Variants in PAK5 observed in about 807,000 individuals in gnomAD.
The protein encoded by PAK5 is serine/threonine-protein kinase PAK 5.
PAK5 carries 16 observed loss-of-function variants against 65.9 expected under a neutral mutation model. The ratio of observed to expected loss-of-function variants is 0.24; its 90% confidence interval spans 0.16 to 0.37. The LOEUF (loss-of-function observed/expected upper bound fraction) is 0.37, where lower values mean the gene tolerates loss of function less well. PAK5 is among the 10% of genes least tolerant of loss of function. The pLI, the probability that PAK5 is intolerant of heterozygous loss-of-function variation, is 1.00. For missense variants in PAK5, 785 were observed against 903.9 expected (o/e 0.87, Z 1.69); for synonymous variants, 371 against 354.9 (o/e 1.05, Z -0.51).
At chr20:9,780,431 T>C (rs1026157877) in intron 1 of PAK5, among the ~76,000 whole-genome samples, 3 of 152,148 alleles carry the variant, frequency 2.0e-5, no homozygotes, top group African/African-American at 4.8e-5. Flanking sequence ...TCTAAAATCA[T>C]ATTTTCTTAA....
intron 3 of PAK5, among the ~76,000 whole-genome samples, chr20:9,613,548 A>G (rs2046602990): frequency 6.6e-6 from 1 of 152,224 alleles, no homozygotes; most frequent in Non-Finnish European, 1.5e-5. Flanking sequence ...ACTATCAGAG[A>G]AAAATCTGTT....
At chr20:9,807,286 C>T (rs1285502776) in intron 1 of PAK5, among the ~76,000 whole-genome samples, 1 of 152,098 alleles carries the variant, frequency 6.6e-6, no homozygotes, top group Admixed American at 6.6e-5. Flanking sequence ...TTTTTAGTAT[C>T]CTAGTTTCCT....
chr20:9,621,856 G>T (rs984390863), intron 3 of PAK5, among the ~76,000 whole-genome samples: 1 of 152,160 alleles, frequency 6.6e-6, no homozygotes, highest in Non-Finnish European at 1.5e-5. Context: ...AGTCAGAATT[G>T]CTATCTCCAG....
At chr20:9,649,041 A>G (rs1394611456) in intron 2 of PAK5, among the ~76,000 whole-genome samples, 3 of 152,190 alleles carry the variant, frequency 2.0e-5, no homozygotes, top group East Asian at 1.9e-4. Context: ...GACCTAATTC[A>G]TGACAGCTGT....
intron 9 of PAK5, among the ~76,000 whole-genome samples, chr20:9,539,902 T>C (rs1183164184): frequency 6.6e-6 from 1 of 152,214 alleles, no homozygotes; most frequent in Non-Finnish European, 1.5e-5. Flanking sequence ...AGAGCAGCTA[T>C]TACAAAATAT....
intron 1 of PAK5, among the ~76,000 whole-genome samples, chr20:9,720,690 G>A (rs2048203566): frequency 6.6e-6 from 1 of 152,044 alleles, no homozygotes; most frequent in African/African-American, 2.4e-5. Flanking sequence ...TAGCCAAAAG[G>A]TGTTGTAACA....
chr20:9,548,743 C>G (rs1366549745), intron 7 of PAK5, among the ~76,000 whole-genome samples: 2 of 152,212 alleles, frequency 1.3e-5, no homozygotes. Flanking sequence ...CTGAAAACAT[C>G]TGAAGCACAC....
At chr20:9,657,712 G>C (rs559066982) in intron 2 of PAK5, among the ~76,000 whole-genome samples, 1 of 152,310 alleles carries the variant, frequency 6.6e-6, no homozygotes, top group East Asian at 1.9e-4. Flanking sequence ...ACAGATATTG[G>C]GTTGGGAATG....
At chr20:9,599,814 T>C (rs1042217886) in intron 3 of PAK5, among the ~76,000 whole-genome samples, 1 of 152,218 alleles carries the variant, frequency 6.6e-6, no homozygotes, top group Admixed American at 6.5e-5. Context: ...ATTTTCACTC[T>C]CTTAACAGTG....
chr20:9,608,504 T>C (rs1394848973), intron 3 of PAK5, among the ~76,000 whole-genome samples: 1 of 152,198 alleles, frequency 6.6e-6, no homozygotes, highest in Non-Finnish European at 1.5e-5. Flanking sequence ...TAATCCTCCA[T>C]TGTCTCTAGG....
intron 3 of PAK5, among the ~76,000 whole-genome samples, chr20:9,587,191 A>C (rs1425826947): frequency 6.6e-6 from 1 of 152,178 alleles, no homozygotes; most frequent in African/African-American, 2.4e-5. Context: ...ATAATAAATG[A>C]AGAAGAAAGG....
At chr20:9,570,570 G>GAATGGGGAGAGAGAAGTGTCAGTGT (rs1205428451) in intron 4 of PAK5, among the ~76,000 whole-genome samples, 9 of 109,354 alleles carry the variant, frequency 8.2e-5, no homozygotes, top group South Asian at 2.4e-4. Flanking sequence ...TAAACAACTG[G>GAATGGGGAGAGAGAAGTGTCAGTGT]ATTCTTCCTT....
intron 3 of PAK5, among the ~76,000 whole-genome samples, chr20:9,640,558 A>G (rs543839054): frequency 6.6e-6 from 1 of 152,234 alleles, no homozygotes; most frequent in South Asian, 2.1e-4. Context: ...ATGTTTTATA[A>G]TCCTTTTGTG....
chr20:9,647,024 T>C (rs963849678), intron 2 of PAK5, among the ~76,000 whole-genome samples: 3 of 152,252 alleles, frequency 2.0e-5, no homozygotes, highest in Non-Finnish European at 2.9e-5. Flanking sequence ...TAAACCATGC[T>C]ACACAGAAAG....
At chr20:9,585,561 G>A (rs776155853) in intron 3 of PAK5, among the ~76,000 whole-genome samples, 6 of 152,154 alleles carry the variant, frequency 3.9e-5, no homozygotes, top group Admixed American at 6.5e-5. Context: ...CTGAATGTAC[G>A]GAATATGGAT....
intron 1 of PAK5, among the ~76,000 whole-genome samples, chr20:9,802,914 A>ATATATATATATATATATATG (rs2049187716): frequency 1.7e-5 from 1 of 58,834 alleles, no homozygotes; most frequent in East Asian, 5.4e-4. Flanking sequence ...GTATGTGTAT[A>ATATATATATATATATATATG]TATATATATA....
intron 2 of PAK5, among the ~76,000 whole-genome samples, chr20:9,689,198 A>G (rs1006252753): frequency 2.6e-5 from 4 of 151,810 alleles, no homozygotes; most frequent in Admixed American, 1.3e-4. Context: ...TGCTCTGCAA[A>G]CTCCCCTCTG....
At chr20:9,777,457 A>C (rs1600362247) in intron 1 of PAK5, among the ~76,000 whole-genome samples, 1 of 152,224 alleles carries the variant, frequency 6.6e-6, no homozygotes, top group Non-Finnish European at 1.5e-5. Flanking sequence ...CAATGCCAGC[A>C]TGTAAGATGT....
chr20:9,734,835 A>G (rs1252171252), intron 1 of PAK5, among the ~76,000 whole-genome samples: 2 of 152,226 alleles, frequency 1.3e-5, no homozygotes, highest in Non-Finnish European at 2.9e-5. Context: ...CCAGTCTAGG[A>G]CAACCATACT....
Sources: gnomAD v4.1 joint callset for allele counts (sites outside exome capture counted in the v4.1 genomes callset) on GRCh38, gnomAD v4.1.1 for gene constraint, MANE v1.5 for transcripts, NCBI Gene and HGNC (gene_info 2026-07-23, HGNC 2026-07-21) for gene names.